Variants in C1orf94 observed in about 807,000 individuals in gnomAD.
C1orf94 encodes the protein chromosome 1 open reading frame 94, also known as uncharacterized protein C1orf94.
C1orf94 carries 45 observed loss-of-function variants against 53.6 expected under a neutral mutation model. That is an observed-to-expected ratio of 0.84 (90% CI 0.66 to 1.08). The LOEUF is 1.08. Ranked by LOEUF, C1orf94 falls within the 50% of genes least tolerant of loss-of-function variation. The pLI, the probability that C1orf94 is intolerant of heterozygous loss-of-function variation, is 0.00. For synonymous variants in C1orf94, 304 were observed against 296.1 expected, an observed-to-expected ratio of 1.03 and a Z score of -0.27; for missense variants, 762 against 738.9, an observed-to-expected ratio of 1.03 and a Z score of -0.36.
rs1001815855 is a variant in C1orf94, at chr1:34,184,835, T to G, written c.320+6726T>G. On this transcript the variant is annotated intron_variant, in intron 1 of 6. Transcript: ENST00000488417. ...ACATAGCCTCTTTTGTTTTTTTTGG[T>G]TTTTTTTTTAGCATTATTCTTTAAA... is the stretch of plus-strand genomic sequence containing the variant. Among the ~76,000 whole-genome samples, 9 of 147,482 alleles carry G rather than the reference T, an allele frequency of 6.1e-5. No homozygotes were observed. The South Asian group carries it at 8.5e-4, about 14-fold the overall frequency.
intron 1 of C1orf94, among the ~76,000 whole-genome samples, chr1:34,167,918 T>G (rs929106382): frequency 6.6e-6 from 1 of 152,142 alleles, no homozygotes; most frequent in Non-Finnish European, 1.5e-5. Flanking sequence ...CAACAAATAT[T>G]TATTGAGCAT....
intron 1 of C1orf94, among the ~76,000 whole-genome samples, chr1:34,168,416 G>T (rs936811226): frequency 6.6e-6 from 1 of 152,046 alleles, no homozygotes; most frequent in Non-Finnish European, 1.5e-5. Flanking sequence ...AGGAGGATGG[G>T]GCTGGATCCA....
chr1:34,188,783 C>A (rs1390792669), intron 1 of C1orf94, among the ~76,000 whole-genome samples: 1 of 152,180 alleles, frequency 6.6e-6, no homozygotes, highest in Non-Finnish European at 1.5e-5. Context: ...GCTTAGTCCC[C>A]TGACTCCTAT....
At position 34,201,025 on chromosome 1, in the gene C1orf94, G is replaced by T. The variant is rs753066946; in HGVS notation, c.1263G>T (p.Glu421Asp). ...LRNKVEVDGPELKFNAPVTVA... is the reference protein window; with the variant it reads ...LRNKVEVDGPDLKFNAPVTVA... ...ACAAAGTGGAAGTGGATGGGCCGGA[G>T]CTGAAATGTGAGCTGACCTACCCAG... The change falls in exon 3 of 7, where the codon GAG (glutamate) becomes GAT (aspartate). Residue 421 changes from glutamate to aspartate, a missense_variant. Glu to Asp is a conservative substitution (Grantham distance 45). Transcript: ENST00000488417. 7 of 1,589,304 alleles carry T rather than the reference G, an allele frequency of 4.4e-6. No individual in the cohort carries two copies. The highest frequency in any genetic ancestry group is 6.0e-6 in the Non-Finnish European group (7 of 1,167,406).
rs1542555 is a variant in C1orf94, at chr1:34,200,046, T to C, written c.1010-726T>C. 6.8e-3 allele frequency among the ~76,000 whole-genome samples: 1,035 copies of C among 152,320 alleles called. 10 individuals are homozygous for C. The highest frequency in any genetic ancestry group is 0.027 in the South Asian group (132 of 4,830). ...TATTTCTGGGCATGTCTCTCTTTTT[T>C]TCTTGTTATGAGCTCCTGCAGGGCA... On this transcript the variant is annotated intron_variant, in intron 2 of 6. Transcript: ENST00000488417.
In C1orf94 at chr1:34,218,737, C is replaced by T. The variant is rs200861113; in HGVS notation, c.1773C>T (p.Ser591=). 1.6e-5 allele frequency: 25 copies of T among 1,612,780 alleles called. No homozygotes were observed. In the East Asian group the frequency reaches 5.1e-4, roughly 33 times the overall value. Reference sequence around the variant, plus strand: ...TGATGCACAGCCCCTATTTTTCTTCCAGTGGGAATGGCATAAACTTTTAGA... The same window carrying T: ...TGATGCACAGCCCCTATTTTTCTTCTAGTGGGAATGGCATAAACTTTTAGA... ...GPLMHSPYFS[S]SGNGINF is the part of the protein sequence containing the mutation. The change falls in exon 7 of 7, where the codon TCC becomes TCT. Residue 591 remains serine, a synonymous_variant. Transcript: ENST00000488417.
At chr1:34,189,288 G>C (rs1482810409) in intron 1 of C1orf94, among the ~76,000 whole-genome samples, 1 of 152,012 alleles carries the variant, frequency 6.6e-6, no homozygotes, top group Non-Finnish European at 1.5e-5. Context: ...GTGTGTATGT[G>C]TGCATAGTGT....
At chr1:34,173,372 C>T (rs567922515), upstream of C1orf94, among the ~76,000 whole-genome samples, 4 of 152,258 alleles carry the variant, frequency 2.6e-5, no homozygotes, top group Admixed American at 1.3e-4. Flanking sequence ...AAAGGACCTA[C>T]AAGAGTAAGC....
chr1:34,218,793 C>A lies in C1orf94; in HGVS notation c.*32C>A. On this transcript the variant is annotated 3_prime_UTR_variant, in exon 7 of 7. Transcript: ENST00000488417. ...TCTTCTCCCTTCTCCTCCCTTAGCC[C>A]TTGGATCAGGACTAGGGGCTCTGAT... The A allele has an allele frequency of 6.3e-7, 1 of 1,588,642 alleles. No homozygotes were observed. Among genetic ancestry groups the A allele is most frequent in the Non-Finnish European group, 8.6e-7 (1 of 1,160,080 alleles).
intron 1 of C1orf94, among the ~76,000 whole-genome samples, chr1:34,181,160 C>T (rs1305242378): frequency 7.2e-5 from 11 of 152,224 alleles, no homozygotes; most frequent in Admixed American, 1.3e-4. Flanking sequence ...TGTCTTTTTT[C>T]TTTCGATACC....
At chr1:34,204,793 G>T (rs772354637) in intron 4 of C1orf94, among the ~76,000 whole-genome samples, 1 of 152,044 alleles carries the variant, frequency 6.6e-6, no homozygotes, top group African/African-American at 2.4e-5. Context: ...TACACCAGAG[G>T]CTGAGATAGG....
chr1:34,176,346 C>A (rs1048975660), upstream of C1orf94, among the ~76,000 whole-genome samples: 3 of 152,170 alleles, frequency 2.0e-5, no homozygotes, highest in South Asian at 2.1e-4. Flanking sequence ...ACTCTCGGAA[C>A]CAGAAAGTCT....
At chr1:34,176,126 G>T (rs1642220493), upstream of C1orf94, among the ~76,000 whole-genome samples, 1 of 152,028 alleles carries the variant, frequency 6.6e-6, no homozygotes, top group African/African-American at 2.4e-5. Context: ...CAGAGGAGGG[G>T]TTGCATCAGT....
Position 34,197,568 on chromosome 1 carries a change from A to G in C1orf94, c.664A>G (p.Thr222Ala). ...CGCCGAGGTCAAGAGCAGCAAGGGG[A>G]CAGAGGACAGGGGCCGCATCCTAGG... Reference protein sequence around the residue: ...CAAEVKSSKGTEDRGRILGDS... With the variant: ...CAAEVKSSKGAEDRGRILGDS... Residue 222 changes from threonine to alanine, a missense_variant, in exon 2 of 7, where the codon ACA becomes GCA. Transcript: ENST00000488417. This position sits in a 1 kb window ranked among gnomAD's most constrained non-coding sequence, Gnocchi z 4.1. 3 of 1,614,118 alleles carry G rather than the reference A, an allele frequency of 1.9e-6. No individual in the cohort carries two copies. Among genetic ancestry groups the G allele is most frequent in the Non-Finnish European group, 2.5e-6 (3 of 1,180,006 alleles).
intron 4 of C1orf94, 109 bp from the exon 5 acceptor site, chr1:34,208,048 G>T (rs1476409564): frequency 2.3e-5 from 25 of 1,084,440 alleles, no homozygotes; most frequent in Non-Finnish European, 3.4e-5. Context: ...GGTCTGGTCA[G>T]CAATGTGATG....
chr1:34,175,537 T>G (rs1571333267), upstream of C1orf94, among the ~76,000 whole-genome samples: 6 of 152,270 alleles, frequency 3.9e-5, no homozygotes, highest in Admixed American at 3.9e-4. Context: ...CATCTTCAAT[T>G]TTGTAATGAA....
At chr1:34,196,524 G>A (rs1274305095) in intron 1 of C1orf94, among the ~76,000 whole-genome samples, 2 of 152,132 alleles carry the variant, frequency 1.3e-5, no homozygotes, top group African/African-American at 2.4e-5. Context: ...CAGGGGCGGG[G>A]ACCAACTAAG....
rs145353992 is a variant in C1orf94 at position 34,197,092 on chromosome 1, G to A, written c.321-133G>A. ...CTCTGGGGGTCCAGTGTGTCTGCTG[G>A]GTTATCTTGCCTGGAAGTGTGTTTT... On this transcript the variant is annotated intron_variant, in intron 1 of 6. Transcript: ENST00000488417. The surrounding 1 kb of genome is among the most constrained non-coding windows in gnomAD (Gnocchi z 4.1). 1.3e-6 allele frequency: 1 copy of A among 794,810 alleles called. No individual in the cohort carries two copies. 49.2% of individuals were successfully genotyped at this position (794,810 alleles called of 1,614,324 possible).
chr1:34,209,422 T>G, intron 5 of C1orf94, among the ~76,000 whole-genome samples: 1 of 139,704 alleles, frequency 7.2e-6, no homozygotes, highest in Non-Finnish European at 1.5e-5. Flanking sequence ...CATTGAGGGG[T>G]ATTGAGTCTT....
Sources: allele counts gnomAD v4.1 joint callset (sites outside exome capture counted in the v4.1 genomes callset), GRCh38; gene constraint gnomAD v4.1.1; non-coding constraint Gnocchi (gnomAD v3.1); transcripts MANE v1.5; gene names NCBI Gene and HGNC (gene_info 2026-07-23, HGNC 2026-07-21).